The following SCHIP1 variants were observed in gnomAD, a reference collection of about 807,000 sequenced individuals.
SCHIP1 encodes the protein schwannomin-interacting protein 1.
A neutral mutation model predicts 29.7 loss-of-function variants in SCHIP1; 8 were observed. The observed-to-expected ratio is 0.27, with a 90% CI of 0.16 to 0.49. SCHIP1 has a LOEUF of 0.49. SCHIP1 is among the 20% of genes least tolerant of loss of function. SCHIP1 has a pLI of 0.99. For missense variants in SCHIP1, 193 were observed against 294.6 expected, an observed-to-expected ratio of 0.66 and a Z score of 2.52; for synonymous variants, 76 against 94.9, an observed-to-expected ratio of 0.80 and a Z score of 1.16.
the SCHIP1 span, among the ~76,000 whole-genome samples, chr3:159,410,883 T>A: frequency 6.6e-6 from 1 of 152,012 alleles, no homozygotes; most frequent in Non-Finnish European, 1.5e-5. Flanking sequence ...TAAATGTCCA[T>A]CACTAGATGA....
At chr3:159,366,235 A>G in the SCHIP1 span, among the ~76,000 whole-genome samples, 1 of 152,114 alleles carries the variant, frequency 6.6e-6, no homozygotes, top group African/African-American at 2.4e-5. Context: ...TCTGGTATGA[A>G]CTCAGAGCGA....
the SCHIP1 span, among the ~76,000 whole-genome samples, chr3:159,713,240 GAAAGA>G: frequency 1.2e-5 from 1 of 81,440 alleles, no homozygotes; most frequent in Non-Finnish European, 2.6e-5. Flanking sequence ...AAGGAAGAAA[GAAAGA>G]AAGAAAGAAA....
rs148215203 is a variant in SCHIP1 at position 159,845,230 on chromosome 3, G to A, written c.30+5016G>A. Among the ~76,000 whole-genome samples, 154 of 152,252 alleles carry A rather than the reference G, an allele frequency of 1.0e-3. 3 individuals carry two copies. Among genetic ancestry groups the A allele is most frequent in the African/African-American group, 3.5e-3 (144 of 41,536 alleles). On this transcript the variant is annotated intron_variant, in intron 1 of 6. Coordinates refer to ENST00000445224, the Ensembl canonical transcript of SCHIP1. The stretch of plus-strand genomic sequence containing the variant: ...CACTGCAGGCTAATGCAGCTTTCAA[G>A]GCTCAAATGCCACCTCCTTCAGGAA...
chr3:159,693,497 T>G, the SCHIP1 span, among the ~76,000 whole-genome samples: 2 of 152,236 alleles, frequency 1.3e-5, no homozygotes, highest in Admixed American at 6.5e-5. Context: ...CCATATGTAA[T>G]TGAGCTTCCA....
At chr3:159,602,879 G>C in the SCHIP1 span, among the ~76,000 whole-genome samples, 3 of 152,110 alleles carry the variant, frequency 2.0e-5, no homozygotes, top group Non-Finnish European at 4.4e-5. Flanking sequence ...CACCAAGCAA[G>C]CAACACTTCC....
the SCHIP1 span, among the ~76,000 whole-genome samples, chr3:159,775,915 G>A: frequency 6.6e-6 from 1 of 152,146 alleles, no homozygotes; most frequent in Non-Finnish European, 1.5e-5. Flanking sequence ...TGAGGTTAGA[G>A]TACTAAAAAA....
At chr3:159,520,243 T>G in the SCHIP1 span, among the ~76,000 whole-genome samples, 1 of 151,702 alleles carries the variant, frequency 6.6e-6, no homozygotes, top group Non-Finnish European at 1.5e-5. Context: ...CAGCTAAGGA[T>G]TTATGAGGAG....
the SCHIP1 span, among the ~76,000 whole-genome samples, chr3:159,462,382 T>A: frequency 3.3e-5 from 5 of 152,116 alleles, no homozygotes; most frequent in Non-Finnish European, 7.4e-5. Context: ...TGCGTCCTCC[T>A]CACTGACTGT....
chr3:159,696,721 G>T, the SCHIP1 span, among the ~76,000 whole-genome samples: 11 of 152,222 alleles, frequency 7.2e-5, 1 homozygote, highest in South Asian at 2.1e-3. Flanking sequence ...TGTGGGTGTC[G>T]GGGTTCTTAA....
the SCHIP1 span, among the ~76,000 whole-genome samples, chr3:159,308,557 G>C: frequency 1.3e-5 from 2 of 152,166 alleles, no homozygotes; most frequent in African/African-American, 4.8e-5. Flanking sequence ...CTTATACCCT[G>C]TTCATTGGAA....
chr3:159,528,957 A>G, the SCHIP1 span, among the ~76,000 whole-genome samples: 1 of 152,218 alleles, frequency 6.6e-6, no homozygotes, highest in Admixed American at 6.5e-5. Flanking sequence ...TTTGGGGTAG[A>G]TCACCAACTT....
chr3:159,447,139 A>G, the SCHIP1 span, among the ~76,000 whole-genome samples: 1 of 152,204 alleles, frequency 6.6e-6, no homozygotes, highest in Non-Finnish European at 1.5e-5. Flanking sequence ...CCGGGTCAGA[A>G]AGACACTTAC....
the SCHIP1 span, among the ~76,000 whole-genome samples, chr3:159,574,561 G>A: frequency 3.9e-5 from 6 of 152,198 alleles, no homozygotes; most frequent in African/African-American, 4.8e-5. Context: ...TAGGCTACAC[G>A]GGGGTCAGGG....
the SCHIP1 span, among the ~76,000 whole-genome samples, chr3:159,613,098 G>C: frequency 0.012 from 1,869 of 152,252 alleles, 38 homozygotes; most frequent in African/African-American, 0.042. Context: ...TCATATAAAT[G>C]ACAGAGTTAA....
At chr3:159,330,640 G>A in the SCHIP1 span, among the ~76,000 whole-genome samples, 1 of 152,036 alleles carries the variant, frequency 6.6e-6, no homozygotes, top group Admixed American at 6.6e-5. Context: ...GCCCTGACAG[G>A]TCATAAAATG....
chr3:159,457,045 AT>A, the SCHIP1 span, among the ~76,000 whole-genome samples: 1 of 152,168 alleles, frequency 6.6e-6, no homozygotes, highest in East Asian at 1.9e-4. Flanking sequence ...TACTATAAGA[AT>A]TTTTTTCTCA....
the SCHIP1 span, among the ~76,000 whole-genome samples, chr3:159,483,943 T>C: frequency 6.6e-6 from 1 of 152,176 alleles, no homozygotes; most frequent in African/African-American, 2.4e-5. Context: ...CTTTGTTGTG[T>C]AGTGAATTTA....
the SCHIP1 span, among the ~76,000 whole-genome samples, chr3:159,600,061 T>A: frequency 6.6e-6 from 1 of 152,214 alleles, no homozygotes; most frequent in African/African-American, 2.4e-5. Flanking sequence ...CCTGTAAGAT[T>A]TCTGCTGAGA....
At chr3:159,354,029 A>G in the SCHIP1 span, among the ~76,000 whole-genome samples, 1 of 152,188 alleles carries the variant, frequency 6.6e-6, no homozygotes, top group Non-Finnish European at 1.5e-5. Flanking sequence ...TGCAAATTGC[A>G]TTTCATGAAA....
Sources: gnomAD v4.1 joint callset for allele counts (sites outside exome capture counted in the v4.1 genomes callset) on GRCh38, gnomAD v4.1.1 for gene constraint, MANE v1.5 for transcripts, NCBI Gene and HGNC (gene_info 2026-07-23, HGNC 2026-07-21) for gene names.